METTL8: variants seen among roughly 807,000 people sequenced by gnomAD.
METTL8 encodes tRNA N(3)-cytidine methyltransferase METTL8, mitochondrial.
METTL8 carries 32 observed loss-of-function variants against 48.7 expected under a neutral mutation model. The ratio of observed to expected loss-of-function variants is 0.66; its 90% confidence interval spans 0.50 to 0.88. The LOEUF is 0.88. METTL8 is among the 40% of genes least tolerant of loss of function. METTL8 has a pLI of 0.00. For missense variants in METTL8, 464 were observed against 474.4 expected (o/e 0.98, Z 0.20); for synonymous variants, 136 against 157.1 (o/e 0.87, Z 1.01).
intron 3 of METTL8, among the ~76,000 whole-genome samples, chr2:171,357,523 A>T (rs2105465592): frequency 6.6e-6 from 1 of 152,302 alleles, no homozygotes; most frequent in African/African-American, 2.4e-5. Flanking sequence ...TCTTAAAAGA[A>T]ATTAAAAAGG....
In METTL8 at chr2:171,316,884, GA is replaced by G. The variant is rs538545222; in HGVS notation, c.*7287del. Among the ~76,000 whole-genome samples the G allele has an allele frequency of 4.8e-4, 73 of 152,248 alleles. 1 individual carries two copies. Among genetic ancestry groups the G allele is most frequent in the Admixed American group, 4.4e-3 (68 of 15,288 alleles). On this transcript the variant is annotated 3_prime_UTR_variant, in exon 10 of 10. Transcript: ENST00000375258. ...GCGAGTGCCAAATGCTGCTTAGGGG[GA>G]TATGTCTCTGCTCACCTGAGGGAGC...
intron 1 of METTL8, among the ~76,000 whole-genome samples, chr2:171,405,267 G>C (rs1318914185): frequency 6.6e-6 from 1 of 152,248 alleles, no homozygotes; most frequent in East Asian, 1.9e-4. Flanking sequence ...TGGTTTTACA[G>C]GTGGTGGCTG....
intron 2 of METTL8, among the ~76,000 whole-genome samples, chr2:171,379,064 G>A (rs573050107): frequency 6.6e-6 from 1 of 152,098 alleles, no homozygotes; most frequent in African/African-American, 2.4e-5. Context: ...TAGTCTCTCA[G>A]ACCACATTAC....
At chr2:171,428,518 T>C (rs1256736669) in intron 1 of METTL8, among the ~76,000 whole-genome samples, 2 of 152,160 alleles carry the variant, frequency 1.3e-5, no homozygotes, top group African/African-American at 2.4e-5. Flanking sequence ...TACTTAGCTG[T>C]TGATAATAGA....
At chr2:171,402,545 T>A (rs1689742593) in intron 1 of METTL8, among the ~76,000 whole-genome samples, 1 of 152,166 alleles carries the variant, frequency 6.6e-6, no homozygotes, top group Admixed American at 6.6e-5. Context: ...TGCACTCATA[T>A]TTAGCTTAAT....
At chr2:171,396,778 G>C (rs1205961346) in intron 1 of METTL8, among the ~76,000 whole-genome samples, 1 of 151,718 alleles carries the variant, frequency 6.6e-6, no homozygotes, top group Non-Finnish European at 1.5e-5. Context: ...GCAGTGTATA[G>C]AGAGAAATTT....
At chr2:171,418,612 C>G (rs1691560050) in intron 1 of METTL8, among the ~76,000 whole-genome samples, 1 of 151,978 alleles carries the variant, frequency 6.6e-6, no homozygotes, top group Non-Finnish European at 1.5e-5. Flanking sequence ...TAAATACTAA[C>G]AGTTATTTTG....
At chr2:171,365,977 A>C (rs1685676516) in intron 2 of METTL8, among the ~76,000 whole-genome samples, 1 of 152,210 alleles carries the variant, frequency 6.6e-6, no homozygotes, top group South Asian at 2.1e-4. Context: ...GAGAAGGCAG[A>C]GATCAGAGTT....
chr2:171,330,723 C>T, intron 6 of METTL8, 25 bp from the exon 7 acceptor site: 1 of 1,564,656 alleles, frequency 6.4e-7, no homozygotes, highest in Non-Finnish European at 8.6e-7. Context: ...GAACAGAAAG[C>T]AAAAAGAGGA....
rs539293629 is a variant in METTL8, at chr2:171,415,412, G to A, written c.-13+18471C>T. ...CTGTTGCCCAGGCTGGAGTGCAGTG[G>A]CGCGATCTTGGCTCACTGCAACCTC... On this transcript the variant is annotated intron_variant, in intron 1 of 9. Coordinates refer to ENST00000375258, the MANE Select transcript of METTL8 (RefSeq NM_001321154.2). Among the ~76,000 whole-genome samples the A allele has an allele frequency of 1.5e-3, 217 of 146,508 alleles. 4 individuals are homozygous for A. The East Asian group carries it at 0.016, about 11-fold the overall frequency.
chr2:171,389,489 T>C (rs1236577476), intron 2 of METTL8, among the ~76,000 whole-genome samples: 1 of 129,832 alleles, frequency 7.7e-6, no homozygotes, highest in African/African-American at 3.0e-5. Context: ...CACTCCAGCT[T>C]GGGTGACAGA....
intron 1 of METTL8, among the ~76,000 whole-genome samples, chr2:171,406,326 GC>G (rs1690172459): frequency 6.6e-6 from 1 of 152,174 alleles, no homozygotes; most frequent in Non-Finnish European, 1.5e-5. Flanking sequence ...TGAAAGAGGG[GC>G]TTTTTCAACA....
At chr2:171,341,544 CT>C (rs963960736) in intron 3 of METTL8, among the ~76,000 whole-genome samples, 6 of 150,270 alleles carry the variant, frequency 4.0e-5, no homozygotes, top group South Asian at 2.1e-4. Context: ...TGGCACGTTC[CT>C]TTTTTTTCCC....
At chr2:171,418,457 C>T (rs559938427) in intron 1 of METTL8, among the ~76,000 whole-genome samples, 6 of 151,670 alleles carry the variant, frequency 4.0e-5, no homozygotes, top group Non-Finnish European at 8.8e-5. Flanking sequence ...GGCTCTACCT[C>T]CTTAAGGGCA....
In METTL8 at chr2:171,316,234, T is replaced by C. The variant is rs752099157; in HGVS notation, c.*7938A>G. Reference sequence around the variant, plus strand: ...GGGAATGAGCAGGACTTAATTCTCATGCCGGCATGGGGCTGCCGGGCACCC... The same window carrying C: ...GGGAATGAGCAGGACTTAATTCTCACGCCGGCATGGGGCTGCCGGGCACCC... On this transcript the variant is annotated 3_prime_UTR_variant, in exon 10 of 10. Transcript: ENST00000375258. 6.6e-6 allele frequency among the ~76,000 whole-genome samples: 1 copy of C among 152,216 alleles called. No individual in the cohort carries two copies. Among genetic ancestry groups the C allele is most frequent in the Non-Finnish European group, 1.5e-5 (1 of 68,038 alleles).
intron 1 of METTL8, among the ~76,000 whole-genome samples, chr2:171,398,448 G>A (rs1206959927): frequency 6.6e-6 from 1 of 152,122 alleles, no homozygotes; most frequent in Non-Finnish European, 1.5e-5. Flanking sequence ...GAGGTTCCTA[G>A]AGTAGTCAAA....
At position 171,368,040 on chromosome 2, in the gene METTL8, C is replaced by T. The variant is rs756320019; in HGVS notation, c.144-7527G>A. 3.9e-5 allele frequency among the ~76,000 whole-genome samples: 6 copies of T among 152,234 alleles called. No homozygotes were observed. In the South Asian group the frequency reaches 1.2e-3, roughly 32 times the overall value. ...CTTGGAATGAAAGAAGGCAGTGGCA[C>T]CAAAATGTGTTAATTGTCATATTCT... is the stretch of plus-strand genomic sequence containing the variant. On this transcript the variant is annotated intron_variant, in intron 2 of 9. Coordinates refer to ENST00000375258, the MANE Select transcript of METTL8 (RefSeq NM_001321154.2).
intron 5 of METTL8, among the ~76,000 whole-genome samples, chr2:171,335,795 G>A (rs1686024200): frequency 1.3e-5 from 2 of 152,066 alleles, no homozygotes; most frequent in Non-Finnish European, 2.9e-5. Flanking sequence ...CATAAAGACT[G>A]AAAGGAATTA....
chr2:171,405,287 G>C (rs1278402271), intron 1 of METTL8, among the ~76,000 whole-genome samples: 1 of 152,020 alleles, frequency 6.6e-6, no homozygotes, highest in Non-Finnish European at 1.5e-5. Context: ...GAAGTCGAGA[G>C]GGACTGATCA....
Sources: allele counts gnomAD v4.1 joint callset (sites outside exome capture counted in the v4.1 genomes callset), GRCh38; gene constraint gnomAD v4.1.1; transcripts MANE v1.5; gene names NCBI Gene and HGNC (gene_info 2026-07-23, HGNC 2026-07-21).